Variants in NALF1 observed in about 807,000 individuals in gnomAD.
NALF1 encodes the protein family with sequence similarity 155 member A.
In NALF1, 3 loss-of-function variants were observed where a neutral mutation model predicts 48.4. The observed-to-expected ratio is 0.06, with a 90% CI of 0.03 to 0.16. The LOEUF (loss-of-function observed/expected upper bound fraction) is 0.16. Ranked by LOEUF, NALF1 falls within the 10% of genes least tolerant of loss-of-function variation. The probability of loss-of-function intolerance (pLI) is 1.00; values close to 1 mark genes in which losing one functional copy is unlikely to be tolerated. For missense variants in NALF1, 526 were observed against 571.5 expected (o/e 0.92, Z 0.81); for synonymous variants, 262 against 245.7 (o/e 1.07, Z -0.62).
At chr13:107,749,978 C>G (rs1876888657) in intron 1 of NALF1, among the ~76,000 whole-genome samples, 1 of 152,022 alleles carries the variant, frequency 6.6e-6, no homozygotes, top group African/African-American at 2.4e-5. Flanking sequence ...CGCGACAGTG[C>G]CCGGCTAATT....
chr13:107,376,960 G>A (rs1883349854), intron 1 of NALF1, among the ~76,000 whole-genome samples: 1 of 152,172 alleles, frequency 6.6e-6, no homozygotes, highest in South Asian at 2.1e-4. Context: ...AATGATGGCT[G>A]TAAAACTGCC....
intron 1 of NALF1, among the ~76,000 whole-genome samples, chr13:107,817,606 C>T (rs1320564315): frequency 6.6e-6 from 1 of 152,086 alleles, no homozygotes; most frequent in East Asian, 1.9e-4. Context: ...CCATCTGTGC[C>T]TTTTCACCTC....
intron 2 of NALF1, among the ~76,000 whole-genome samples, chr13:107,199,916 T>C (rs1879475233): frequency 6.6e-6 from 1 of 152,178 alleles, no homozygotes; most frequent in Non-Finnish European, 1.5e-5. Context: ...ATGGCTGACC[T>C]TCGCTGCTTG....
chr13:107,499,466 C>G (rs1013079862), intron 1 of NALF1, among the ~76,000 whole-genome samples: 8 of 152,272 alleles, frequency 5.3e-5, no homozygotes, highest in Middle Eastern at 3.4e-3. Flanking sequence ...GCTTGACCTC[C>G]CAAACTGCTG....
chr13:107,240,210 C>T (rs1880438566), intron 1 of NALF1, among the ~76,000 whole-genome samples: 1 of 152,086 alleles, frequency 6.6e-6, no homozygotes, highest in South Asian at 2.1e-4. Context: ...AAAATTCTCC[C>T]ATATGAGGAC....
At chr13:107,745,464 T>C (rs558028702) in intron 1 of NALF1, among the ~76,000 whole-genome samples, 1 of 152,222 alleles carries the variant, frequency 6.6e-6, no homozygotes, top group Non-Finnish European at 1.5e-5. Flanking sequence ...ACTGCTGTTA[T>C]TCCTTAGCCA....
intron 1 of NALF1, among the ~76,000 whole-genome samples, chr13:107,842,621 AT>A (rs1880072135): frequency 6.6e-6 from 1 of 151,430 alleles, no homozygotes; most frequent in African/African-American, 2.4e-5. Context: ...AAGCTTGGAG[AT>A]TCAAAAGCAC....
intron 2 of NALF1, among the ~76,000 whole-genome samples, chr13:107,210,009 C>A (rs1214323480): frequency 6.6e-6 from 1 of 152,080 alleles, no homozygotes; most frequent in Non-Finnish European, 1.5e-5. Flanking sequence ...CCCAGTCTGA[C>A]TCATTTGCTG....
chr13:107,469,631 A>G (rs1033882775), intron 1 of NALF1, among the ~76,000 whole-genome samples: 3 of 151,878 alleles, frequency 2.0e-5, no homozygotes, highest in African/African-American at 7.3e-5. Flanking sequence ...AATAGCTGAC[A>G]CACTGTATGT....
chr13:107,338,377 G>C (rs1882601268), intron 1 of NALF1, among the ~76,000 whole-genome samples: 1 of 151,800 alleles, frequency 6.6e-6, no homozygotes, highest in Non-Finnish European at 1.5e-5. Context: ...TTGCCTCTTA[G>C]CAACAATGTG....
At chr13:107,282,631 C>T (rs1485515633) in intron 1 of NALF1, among the ~76,000 whole-genome samples, 1 of 152,216 alleles carries the variant, frequency 6.6e-6, no homozygotes, top group Non-Finnish European at 1.5e-5. Context: ...ACTCACTCTA[C>T]AGCAAGTATG....
chr13:107,259,415 C>A (rs770516724), intron 1 of NALF1, among the ~76,000 whole-genome samples: 6 of 152,272 alleles, frequency 3.9e-5, no homozygotes, highest in Non-Finnish European at 7.4e-5. Context: ...TGTACAATGT[C>A]CTCAAGATCT....
chr13:107,699,589 G>A (rs190962533), intron 1 of NALF1, among the ~76,000 whole-genome samples: 154 of 152,056 alleles, frequency 1.0e-3, no homozygotes, highest in Admixed American at 3.0e-3. Context: ...AGAAATATTC[G>A]GAAAATCTTC....
At chr13:107,204,060 C>T (rs574605660) in intron 2 of NALF1, among the ~76,000 whole-genome samples, 4 of 142,626 alleles carry the variant, frequency 2.8e-5, no homozygotes, top group Admixed American at 6.8e-5. Flanking sequence ...CAGAGAGGGG[C>T]GCCCACAAGC....
chr13:107,222,476 G>T (rs976515533), intron 1 of NALF1, among the ~76,000 whole-genome samples: 1 of 152,108 alleles, frequency 6.6e-6, no homozygotes, highest in East Asian at 1.9e-4. Context: ...TGATTGCAAA[G>T]GTTAGGATAA....
rs1012936595 is a variant in NALF1 at position 107,168,039 on chromosome 13, T to C, written c.*2458A>G. 1 of 152,304 alleles carries C rather than the reference T, an allele frequency of 6.6e-6. No individual in the cohort carries two copies. The highest frequency in any genetic ancestry group is 2.4e-5 in the African/African-American group (1 of 41,456). 9.4% of individuals were successfully genotyped at this position (152,304 alleles called of 1,614,324 possible). A position where few individuals can be genotyped will look rare whatever the true frequency, so the allele number is the denominator to read the frequency against. ...AAAGTGAGTGGAATTTGCACTTGCA[T>C]TGTCATTTTCCTGCAAGAATGGAAA... On this transcript the variant is annotated 3_prime_UTR_variant, in exon 3 of 3. Coordinates refer to ENST00000375915, the MANE Select transcript of NALF1 (RefSeq NM_001080396.3).
chr13:107,208,966 GA>G (rs1383573932), intron 2 of NALF1, among the ~76,000 whole-genome samples: 3 of 152,120 alleles, frequency 2.0e-5, no homozygotes, highest in African/African-American at 7.2e-5. Context: ...ACAGGCCTGT[GA>G]AATCATTCTG....
intron 1 of NALF1, among the ~76,000 whole-genome samples, chr13:107,414,683 T>A (rs999001056): frequency 1.3e-5 from 2 of 152,114 alleles, no homozygotes; most frequent in South Asian, 2.1e-4. Context: ...GGAATAGTTC[T>A]ATCATCAAAT....
intron 1 of NALF1, among the ~76,000 whole-genome samples, chr13:107,355,196 C>T (rs938293181): frequency 4.6e-5 from 7 of 152,092 alleles, no homozygotes; most frequent in Admixed American, 2.0e-4. Context: ...CTCTGCACAA[C>T]GAGGTCTGCA....
Sources: gnomAD v4.1 joint callset for allele counts (sites outside exome capture counted in the v4.1 genomes callset) on GRCh38, gnomAD v4.1.1 for gene constraint, MANE v1.5 for transcripts, NCBI Gene and HGNC (gene_info 2026-07-23, HGNC 2026-07-21) for gene names.